HMCN1: variants seen among roughly 807,000 people sequenced by gnomAD.
HMCN1 encodes the protein hemicentin-1.
In HMCN1, 321 loss-of-function variants were observed where a neutral mutation model predicts 625.9. The observed-to-expected ratio is 0.51, with a 90% CI of 0.47 to 0.56. The LOEUF (loss-of-function observed/expected upper bound fraction) is 0.56. Ranked by LOEUF, HMCN1 falls within the 20% of genes least tolerant of loss-of-function variation. The probability of loss-of-function intolerance (pLI) is 0.00; values close to 1 mark genes in which losing one functional copy is unlikely to be tolerated. For synonymous variants in HMCN1, 2,425 were observed against 2,417.6 expected, an observed-to-expected ratio of 1.00 and a Z score of -0.09; for missense variants, 6,588 against 6,887.3, an observed-to-expected ratio of 0.96 and a Z score of 1.54.
At chr1:186,132,470 T>A in intron 86 of HMCN1, 61 bp downstream of exon 86, 2 of 1,311,310 alleles carry the variant, frequency 1.5e-6, no homozygotes, top group African/African-American at 1.5e-5. Flanking sequence ...TAATAAAGAG[T>A]ATTTATTTTC....
chr1:186,058,438 C>A (rs1200369324), intron 46 of HMCN1, among the ~76,000 whole-genome samples: 1 of 151,888 alleles, frequency 6.6e-6, no homozygotes, highest in Non-Finnish European at 1.5e-5. Flanking sequence ...AGAAGAAAGG[C>A]TTAATGACAG....
At chr1:186,158,260 T>C (rs56375587) in intron 97 of HMCN1, among the ~76,000 whole-genome samples, 20,200 of 150,670 alleles carry the variant, frequency 0.13, 1,640 homozygotes, top group Middle Eastern at 0.24. Flanking sequence ...TGTCTGTTCA[T>C]GTCCTTCGCC....
At chr1:185,753,332 T>G (rs115159648) in intron 1 of HMCN1, among the ~76,000 whole-genome samples, 1 of 152,090 alleles carries the variant, frequency 6.6e-6, no homozygotes, top group African/African-American at 2.4e-5. Flanking sequence ...CAGTTTTCAT[T>G]CCCAATATTA....
intron 75 of HMCN1, among the ~76,000 whole-genome samples, chr1:186,116,549 A>C (rs1185697135): frequency 6.6e-6 from 1 of 152,136 alleles, no homozygotes; most frequent in African/African-American, 2.4e-5. Context: ...GCCATCTGTC[A>C]ATGGAAATAA....
intron 10 of HMCN1, among the ~76,000 whole-genome samples, chr1:185,930,762 A>G (rs1249056142): frequency 6.6e-6 from 1 of 152,184 alleles, no homozygotes; most frequent in African/African-American, 2.4e-5. Flanking sequence ...CTTTTATTGA[A>G]TATAAACACA....
chr1:185,847,781 G>A (rs1387093222), intron 2 of HMCN1, among the ~76,000 whole-genome samples: 3 of 151,836 alleles, frequency 2.0e-5, no homozygotes, highest in Non-Finnish European at 4.4e-5. Context: ...GTGAGACCCT[G>A]TCTCTAAAAG....
At chr1:186,174,777 T>A in intron 103 of HMCN1, 135 bp downstream of exon 103, 1 of 788,912 alleles carries the variant, frequency 1.3e-6, no homozygotes, top group Non-Finnish European at 2.2e-6. Flanking sequence ...TTGATTTACG[T>A]CATTCAACAC....
chr1:186,024,156 T>A (rs565269337), intron 36 of HMCN1, among the ~76,000 whole-genome samples: 1 of 152,234 alleles, frequency 6.6e-6, no homozygotes, highest in Admixed American at 6.5e-5. Flanking sequence ...ACGTAAACCA[T>A]GTGGGTCTTT....
intron 55 of HMCN1, among the ~76,000 whole-genome samples, chr1:186,079,930 C>T: frequency 6.6e-6 from 1 of 152,046 alleles, no homozygotes; most frequent in Non-Finnish European, 1.5e-5. Flanking sequence ...TGGTGTAACC[C>T]ACTAGTAGGG....
intron 1 of HMCN1, among the ~76,000 whole-genome samples, chr1:185,786,012 C>A (rs1359698523): frequency 6.6e-6 from 1 of 152,070 alleles, no homozygotes; most frequent in African/African-American, 2.4e-5. Context: ...CTATCACTGG[C>A]AAATCATTAT....
At chr1:185,991,392 C>A (rs1022898272) in intron 22 of HMCN1, among the ~76,000 whole-genome samples, 1 of 151,874 alleles carries the variant, frequency 6.6e-6, no homozygotes, top group African/African-American at 2.4e-5. Context: ...TTTATTGTTC[C>A]CTTCCACAGT....
At chr1:185,848,361 G>T in intron 2 of HMCN1, among the ~76,000 whole-genome samples, 1 of 151,952 alleles carries the variant, frequency 6.6e-6, no homozygotes, top group East Asian at 1.9e-4. Flanking sequence ...TCTCCCTCCT[G>T]CTTGACACAC....
intron 57 of HMCN1, among the ~76,000 whole-genome samples, chr1:186,084,531 A>G (rs774775107): frequency 2.6e-5 from 4 of 152,068 alleles, no homozygotes; most frequent in Non-Finnish European, 4.4e-5. Context: ...ATGTAAAACA[A>G]TACCATTTGT....
At chr1:186,074,611 A>G (rs1027220255) in intron 52 of HMCN1, 130 bp from the exon 53 acceptor site, 4 of 770,808 alleles carry the variant, frequency 5.2e-6, no homozygotes, top group African/African-American at 3.5e-5. Context: ...TGATTAAACT[A>G]TTGTCATGAA....
chr1:185,996,369 A>G (rs1038766809), intron 24 of HMCN1, among the ~76,000 whole-genome samples: 23 of 152,256 alleles, frequency 1.5e-4, no homozygotes, highest in Admixed American at 1.2e-3. Context: ...TCAGTCATCA[A>G]TCAGTGAAGG....
At chr1:185,974,328 G>A (rs1291657179) in intron 15 of HMCN1, among the ~76,000 whole-genome samples, 1 of 152,102 alleles carries the variant, frequency 6.6e-6, no homozygotes, top group Admixed American at 6.6e-5. Flanking sequence ...TTTAATGAGT[G>A]TTTATATCTC....
intron 1 of HMCN1, among the ~76,000 whole-genome samples, chr1:185,799,866 G>T (rs556614270): frequency 6.6e-6 from 1 of 152,186 alleles, no homozygotes; most frequent in African/African-American, 2.4e-5. Flanking sequence ...CAGGTGATGG[G>T]TGGGGCTATG....
chr1:185,793,638 A>G (rs141478252), intron 1 of HMCN1, among the ~76,000 whole-genome samples: 159 of 152,342 alleles, frequency 1.0e-3, no homozygotes, highest in African/African-American at 3.6e-3. Flanking sequence ...AAATCGTTGA[A>G]TTGTTTTAAC....
chr1:186,005,102 A>T lies in HMCN1; in HGVS notation c.4475+1258A>T, dbSNP rs56815497. ...TTTATAAATAATTTTTTAATTGTTT[A>T]AATTGTTTATAAATGTTTATAAACA... On this transcript the variant is annotated intron_variant, in intron 29 of 106. Coordinates refer to ENST00000271588, the MANE Select transcript of HMCN1 (RefSeq NM_031935.3). Among the ~76,000 whole-genome samples, 1,384 of 146,540 alleles carry T rather than the reference A, an allele frequency of 9.4e-3. 43 individuals carry two copies. The highest frequency in any genetic ancestry group is 0.034 in the African/African-American group (1,303 of 38,050).
Sources: allele counts gnomAD v4.1 joint callset (sites outside exome capture counted in the v4.1 genomes callset), GRCh38; gene constraint gnomAD v4.1.1; transcripts MANE v1.5; gene names NCBI Gene and HGNC (gene_info 2026-07-23, HGNC 2026-07-21).